Variants in IL1RAPL1 observed in about 807,000 individuals in gnomAD.
IL1RAPL1 encodes interleukin-1 receptor accessory protein-like 1.
In IL1RAPL1, 3 loss-of-function variants were observed where a neutral mutation model predicts 48.4. The ratio of observed to expected loss-of-function variants is 0.06; its 90% CI spans 0.03 to 0.16. The LOEUF is 0.16. Ranked by LOEUF, IL1RAPL1 falls within the 10% of genes least tolerant of loss-of-function variation. The probability of loss-of-function intolerance (pLI) is 1.00; values close to 1 mark genes in which losing one functional copy is unlikely to be tolerated. For synonymous variants in IL1RAPL1, 185 were observed against 187.7 expected (o/e 0.99, Z 0.12); for missense variants, 349 against 530.6 (o/e 0.66, Z 3.36).
chrX:28,978,745 T>C (rs1407163160), intron 2 of IL1RAPL1, among the ~76,000 whole-genome samples: 1 of 112,071 alleles, frequency 8.9e-6, no homozygotes, highest in Non-Finnish European at 1.9e-5. Context: ...GAGTTGGTGG[T>C]AACCGGGGTT....
intron 6 of IL1RAPL1, among the ~76,000 whole-genome samples, chrX:29,760,915 T>C (rs1928737123): frequency 8.9e-6 from 1 of 112,054 alleles, no homozygotes; most frequent in Admixed American, 9.5e-5. Context: ...CAGGTACAGT[T>C]CTAAGCATTG....
Position 29,280,935 on chromosome X carries a change from C to T in IL1RAPL1, c.83-2003C>T, listed in dbSNP as rs144315092. Among the ~76,000 whole-genome samples, 1,091 of 112,008 alleles carry T rather than the reference C, an allele frequency of 9.7e-3. 5 individuals are homozygous for T. The highest frequency in any genetic ancestry group is 0.015 in the Non-Finnish European group (805 of 53,148). On this transcript the variant is annotated intron_variant, in intron 2 of 10. Transcript: ENST00000378993. ...GCAGAGGGAAGAGCAAGTTCAAATG[C>T]CTCAGTTTATATTTCTGTGAATAGT...
At chrX:28,761,871 A>G (rs1289308151) in intron 1 of IL1RAPL1, among the ~76,000 whole-genome samples, 1 of 112,361 alleles carries the variant, frequency 8.9e-6, no homozygotes, top group African/African-American at 3.2e-5. Context: ...CAGTGTAGTC[A>G]TAAGAGTCAG....
At chrX:29,023,920 T>G (rs1926426248) in intron 2 of IL1RAPL1, among the ~76,000 whole-genome samples, 1 of 111,743 alleles carries the variant, frequency 8.9e-6, no homozygotes, top group Non-Finnish European at 1.9e-5. Flanking sequence ...ATAGTTACCC[T>G]CAATGAATTA....
intron 5 of IL1RAPL1, among the ~76,000 whole-genome samples, chrX:29,552,135 A>G (rs1047499966): frequency 7.2e-5 from 8 of 111,078 alleles, no homozygotes; most frequent in Admixed American, 5.7e-4. Flanking sequence ...AATATTTACT[A>G]TCCCTCAAAT....
rs1217696900 is a variant in IL1RAPL1 at position 28,915,427 on chromosome X, C to G, written c.82+126002C>G. On this transcript the variant is annotated intron_variant, in intron 2 of 10. Coordinates refer to ENST00000378993, the MANE Select transcript of IL1RAPL1 (RefSeq NM_014271.4). The stretch of plus-strand genomic sequence containing the variant: ...TCAGGCTCCAAAGTCATAGATTTCC[C>G]TTTGTATCTTGGCCCCAATGCTAAT... Among the ~76,000 whole-genome samples, 3 of 111,761 alleles carry G rather than the reference C, an allele frequency of 2.7e-5. No individual in the cohort carries two copies. In the East Asian group the frequency reaches 8.4e-4, roughly 31 times the overall value.
At chrX:29,282,840 C>G in intron 2 of IL1RAPL1, 98 bp from the exon 3 acceptor site, 1 of 880,532 alleles carries the variant, frequency 1.1e-6, no homozygotes, top group Non-Finnish European at 1.6e-6. Context: ...AATATGGATG[C>G]TCAGTAAATA....
intron 8 of IL1RAPL1, among the ~76,000 whole-genome samples, chrX:29,921,404 A>G (rs1302371451): frequency 8.9e-6 from 1 of 111,914 alleles, no homozygotes; most frequent in Non-Finnish European, 1.9e-5. Context: ...TTCCCTTTGA[A>G]TAATATTACT....
chrX:29,114,881 A>AG (rs1928647213), intron 2 of IL1RAPL1, among the ~76,000 whole-genome samples: 2 of 109,846 alleles, frequency 1.8e-5, no homozygotes, highest in Non-Finnish European at 3.8e-5. Context: ...GCCCGCCTCT[A>AG]CCTCCCAAAG....
At chrX:29,583,224 C>G (rs1314103458) in intron 5 of IL1RAPL1, among the ~76,000 whole-genome samples, 6 of 64,828 alleles carry the variant, frequency 9.3e-5, no homozygotes, top group Middle Eastern at 7.7e-3. Flanking sequence ...CCAGGGCAAT[C>G]AGGCAGGAGA....
Position 28,902,172 on chromosome X carries a change from C to CT in IL1RAPL1, c.82+112758dup, listed in dbSNP as rs35499387. Among the ~76,000 whole-genome samples, 215 of 101,709 alleles carry CT rather than the reference C, an allele frequency of 2.1e-3. 2 individuals carry two copies. The highest frequency in any genetic ancestry group is 5.1e-3 in the Middle Eastern group (1 of 195). The allele number at this position is 101,709 out of a possible 115,157, so 88.3% of individuals were successfully genotyped here. A position where few individuals can be genotyped will look rare whatever the true frequency, so the allele number is the denominator to read the frequency against. On this transcript the variant is annotated intron_variant, in intron 2 of 10. Transcript: ENST00000378993. ...ATTAAGCCACTTCACCTTCCTTATCCTTTTTTTTTTTCTTTAATTACTACA... is the reference window on the plus strand; with the variant it reads ...ATTAAGCCACTTCACCTTCCTTATCCTTTTTTTTTTTTCTTTAATTACTACA...
At chrX:29,696,904 A>G (rs1342191713) in intron 6 of IL1RAPL1, among the ~76,000 whole-genome samples, 3 of 111,139 alleles carry the variant, frequency 2.7e-5, no homozygotes, top group African/African-American at 9.8e-5. Context: ...TTAGAGAATA[A>G]CTGTCCTCAA....
intron 1 of IL1RAPL1, among the ~76,000 whole-genome samples, chrX:28,757,018 G>C (rs1019735486): frequency 1.8e-5 from 2 of 112,242 alleles, no homozygotes; most frequent in Non-Finnish European, 3.8e-5. Context: ...AAGGTACTTT[G>C]CACAATGCCT....
At position 29,660,739 on chromosome X, in the gene IL1RAPL1, G is replaced by A. The variant is rs181770602; in HGVS notation, c.704-7691G>A. On this transcript the variant is annotated intron_variant, in intron 5 of 10. Coordinates refer to ENST00000378993, the MANE Select transcript of IL1RAPL1 (RefSeq NM_014271.4). The stretch of plus-strand genomic sequence containing the variant: ...ATTCTGTATTGGTTACTATTGCTTT[G>A]TAGTACAATTTGAACTCAAGTAGTG... 8.0e-3 allele frequency among the ~76,000 whole-genome samples: 896 copies of A among 111,791 alleles called. 6 individuals are homozygous for A. The highest frequency in any genetic ancestry group is 0.027 in the African/African-American group (835 of 30,822).
intron 2 of IL1RAPL1, among the ~76,000 whole-genome samples, chrX:28,933,962 C>T (rs1040014032): frequency 9.0e-6 from 1 of 111,379 alleles, no homozygotes; most frequent in African/African-American, 3.3e-5. Flanking sequence ...ATATAATAAA[C>T]AGTGAGGACG....
intron 2 of IL1RAPL1, among the ~76,000 whole-genome samples, chrX:29,038,013 A>G (rs1008505475): frequency 2.7e-5 from 3 of 111,220 alleles, no homozygotes; most frequent in African/African-American, 6.5e-5. Context: ...AGTGGATCAC[A>G]GCCTCTAGAA....
chrX:29,076,802 G>GTCTATCTATCTA (rs59044267), intron 2 of IL1RAPL1, among the ~76,000 whole-genome samples: 1,360 of 97,236 alleles, frequency 0.014, 22 homozygotes, highest in African/African-American at 0.034. Context: ...CTGTCTGTCT[G>GTCTATCTATCTA]TCTATCTATC....
intron 2 of IL1RAPL1, among the ~76,000 whole-genome samples, chrX:29,121,544 C>T (rs1329882966): frequency 1.8e-5 from 2 of 111,682 alleles, no homozygotes; most frequent in Admixed American, 9.6e-5. Flanking sequence ...TCTTTGTTTT[C>T]AGATAGTATC....
chrX:29,031,183 A>C (rs1926611050), intron 2 of IL1RAPL1, among the ~76,000 whole-genome samples: 1 of 112,345 alleles, frequency 8.9e-6, no homozygotes, highest in Non-Finnish European at 1.9e-5. Context: ...CTAAAGCAGA[A>C]TTATAACTTC....
Sources: gnomAD v4.1 joint callset for allele counts (sites outside exome capture counted in the v4.1 genomes callset) on GRCh38, gnomAD v4.1.1 for gene constraint, MANE v1.5 for transcripts, NCBI Gene and HGNC (gene_info 2026-07-23, HGNC 2026-07-21) for gene names.